FGF7: variants seen among roughly 807,000 people sequenced by gnomAD.
FGF7 encodes FGF-7.
A neutral mutation model predicts 20.5 loss-of-function variants in FGF7; 6 were observed. The observed-to-expected ratio is 0.29, with a 90% confidence interval of 0.16 to 0.58. The LOEUF is 0.58. FGF7 is among the 20% of genes least tolerant of loss of function. FGF7 has a pLI of 0.90. For missense variants in FGF7, 144 were observed against 228.8 expected, an observed-to-expected ratio of 0.63 and a Z score of 2.39; for synonymous variants, 64 against 74.7, an observed-to-expected ratio of 0.86 and a Z score of 0.74.
rs1190336048 is a variant in FGF7, at chr15:49,487,712, T to C, written c.*3208T>C. 6.6e-6 allele frequency: 1 copy of C among 151,974 alleles called. No individual in the cohort carries two copies. 9.4% of individuals were successfully genotyped at this position (151,974 alleles called of 1,614,324 possible). A position where few individuals can be genotyped will look rare whatever the true frequency, so the allele number is the denominator to read the frequency against. On this transcript the variant is annotated 3_prime_UTR_variant, in exon 4 of 4. Transcript: ENST00000267843. The stretch of plus-strand genomic sequence containing the variant: ...AGGTGTAAAATAAGAAGTTAGAGAA[T>C]AATGCAAAGGGGGCCCACCACAGAC...
intron 2 of FGF7, among the ~76,000 whole-genome samples, chr15:49,456,148 GA>G (rs1168873110): frequency 6.6e-6 from 1 of 151,978 alleles, no homozygotes; most frequent in African/African-American, 2.4e-5. Flanking sequence ...ATTTGATTGA[GA>G]TTTTTTTCAG....
chr15:49,483,068 CAGAAATA>C (rs2056095043), intron 2 of FGF7, 76 bp from the exon 3 acceptor site: 1 of 818,704 alleles, frequency 1.2e-6, no homozygotes, highest in Admixed American at 1.7e-5. Context: ...CCGATTAAAA[CAGAAATA>C]AGAACAAATG....
At chr15:49,463,980 G>A (rs1162090612) in intron 2 of FGF7, among the ~76,000 whole-genome samples, 1 of 152,120 alleles carries the variant, frequency 6.6e-6, no homozygotes, top group Non-Finnish European at 1.5e-5. Flanking sequence ...GGATAAAGCT[G>A]ATCTTTTTCA....
Position 49,486,378 on chromosome 15 carries a change from C to T in FGF7, c.*1874C>T, listed in dbSNP as rs2056403214. 6.6e-6 allele frequency: 1 copy of T among 151,938 alleles called. No homozygotes were observed. The allele number at this position is 151,938 out of a possible 1,614,324, so 9.4% of individuals were successfully genotyped here. ...TCACCTGATTCAAGGACTTTGCTAG[C>T]TAGGTTTTGAGGTCAGGCTTCAGTA... On this transcript the variant is annotated 3_prime_UTR_variant, in exon 4 of 4. Transcript: ENST00000267843.
intron 2 of FGF7, among the ~76,000 whole-genome samples, chr15:49,447,583 C>T (rs1304895153): frequency 1.3e-5 from 2 of 151,682 alleles, no homozygotes; most frequent in South Asian, 2.1e-4. Context: ...TACATGTTCA[C>T]CATCAGTGGT....
At chr15:49,442,532 T>C (rs2051761558) in intron 2 of FGF7, among the ~76,000 whole-genome samples, 1 of 151,726 alleles carries the variant, frequency 6.6e-6, no homozygotes, top group African/African-American at 2.4e-5. Context: ...TTTCCATCTA[T>C]TATATTACCT....
At chr15:49,470,342 G>T (rs1023511864) in intron 2 of FGF7, among the ~76,000 whole-genome samples, 3 of 152,000 alleles carry the variant, frequency 2.0e-5, no homozygotes, top group Non-Finnish European at 4.4e-5. Context: ...ATTTTTTGGT[G>T]CTGAGCAAAT....
At chr15:49,469,052 G>A (rs1355931925) in intron 2 of FGF7, among the ~76,000 whole-genome samples, 1 of 152,074 alleles carries the variant, frequency 6.6e-6, no homozygotes, top group Non-Finnish European at 1.5e-5. Context: ...ACATGATTTT[G>A]ACTTGGTTCA....
intron 2 of FGF7, among the ~76,000 whole-genome samples, chr15:49,441,670 T>G (rs376029994): frequency 6.6e-6 from 1 of 151,740 alleles, no homozygotes; most frequent in Non-Finnish European, 1.5e-5. Flanking sequence ...ATTTCATATG[T>G]TCAGCCTCTC....
At chr15:49,425,405 C>G (rs2050038278) in intron 2 of FGF7, 1 of 151,896 alleles carries the variant, frequency 6.6e-6, no homozygotes, top group African/African-American at 2.4e-5. Flanking sequence ...GAATAACCAA[C>G]TTCAATAGTA....
chr15:49,445,392 GC>G (rs2052100469), intron 2 of FGF7, among the ~76,000 whole-genome samples: 1 of 151,368 alleles, frequency 6.6e-6, no homozygotes, highest in African/African-American at 2.4e-5. Context: ...TGTTCCTGTG[GC>G]AAACTTATTT....
At chr15:49,435,917 G>A (rs932469297) in intron 2 of FGF7, among the ~76,000 whole-genome samples, 1 of 151,516 alleles carries the variant, frequency 6.6e-6, no homozygotes, top group African/African-American at 2.4e-5. Flanking sequence ...GTGAATAAAT[G>A]TAAGTATATA....
chr15:49,484,113 T>C (rs2056191987), intron 3 of FGF7, among the ~76,000 whole-genome samples, 197 bp from the exon 4 acceptor site: 1 of 152,050 alleles, frequency 6.6e-6, no homozygotes, highest in South Asian at 2.1e-4. Context: ...TGTTTTTATT[T>C]CAAATTTAAG....
At chr15:49,472,607 C>T (rs2054878244) in intron 2 of FGF7, among the ~76,000 whole-genome samples, 2 of 152,078 alleles carry the variant, frequency 1.3e-5, no homozygotes, top group Non-Finnish European at 2.9e-5. Flanking sequence ...AAAGTCTTTG[C>T]TCAGAAAGTT....
intron 2 of FGF7, among the ~76,000 whole-genome samples, chr15:49,471,385 AAGG>A (rs1321991465): frequency 6.6e-6 from 1 of 151,838 alleles, no homozygotes; most frequent in South Asian, 2.1e-4. Context: ...CAGGAGGCTG[AAGG>A]AGGAGAATTG....
At chr15:49,464,823 G>C (rs2054119946) in intron 2 of FGF7, among the ~76,000 whole-genome samples, 1 of 152,098 alleles carries the variant, frequency 6.6e-6, no homozygotes, top group Non-Finnish European at 1.5e-5. Flanking sequence ...CATTCTCCTT[G>C]CTTAGCGTTA....
chr15:49,467,156 G>A (rs1263693810), intron 2 of FGF7, among the ~76,000 whole-genome samples: 3 of 152,116 alleles, frequency 2.0e-5, no homozygotes, highest in Non-Finnish European at 1.5e-5. Context: ...TAAAATAAAG[G>A]GAGAAAGTGG....
intron 2 of FGF7, among the ~76,000 whole-genome samples, chr15:49,477,205 T>C (rs1269346554): frequency 1.3e-5 from 2 of 152,258 alleles, no homozygotes; most frequent in African/African-American, 4.8e-5. Flanking sequence ...GCCATCAGTT[T>C]ATACTAAGGT....
chr15:49,465,196 C>G (rs961895704), intron 2 of FGF7, among the ~76,000 whole-genome samples: 2 of 152,090 alleles, frequency 1.3e-5, no homozygotes, highest in African/African-American at 4.8e-5. Context: ...GTAACACGAT[C>G]TCAACTCACT....
Sources: allele counts gnomAD v4.1 joint callset (sites outside exome capture counted in the v4.1 genomes callset), GRCh38; gene constraint gnomAD v4.1.1; transcripts MANE v1.5; gene names NCBI Gene and HGNC (gene_info 2026-07-23, HGNC 2026-07-21).